RBBP5: variants seen among roughly 807,000 people sequenced by gnomAD.
RBBP5 encodes the protein retinoblastoma-binding protein 5.
RBBP5 carries 5 observed loss-of-function variants against 72.2 expected under a neutral mutation model. The ratio of observed to expected loss-of-function variants is 0.07; its 90% confidence interval spans 0.04 to 0.15. RBBP5 has a LOEUF of 0.15. RBBP5 is among the 10% of genes least tolerant of loss of function. The probability of loss-of-function intolerance (pLI) is 1.00; values close to 1 mark genes in which losing one functional copy is unlikely to be tolerated. For synonymous variants in RBBP5, 209 were observed against 237.2 expected (o/e 0.88, Z 1.09); for missense variants, 322 against 652.2 (o/e 0.49, Z 5.51).
rs569017122 is a variant in RBBP5, at chr1:205,090,957, C to G, written c.1589-2142G>C. Among the ~76,000 whole-genome samples, 14 of 152,162 alleles carry G rather than the reference C, an allele frequency of 9.2e-5. No homozygotes were observed. The South Asian group carries it at 2.9e-3, about 32-fold the overall frequency. Reference sequence around the variant, plus strand: ...ATTAAAAAAAAAAAAATCACAGATTCAGTAAGTGACTTGGAGGTGGTTCAG... The same window carrying G: ...ATTAAAAAAAAAAAAATCACAGATTGAGTAAGTGACTTGGAGGTGGTTCAG... On this transcript the variant is annotated intron_variant, in intron 13 of 13. Transcript: ENST00000264515.
chr1:205,103,720 G>A, intron 5 of RBBP5, 137 bp downstream of exon 5: 2 of 1,019,020 alleles, frequency 2.0e-6, no homozygotes, highest in Non-Finnish European at 1.4e-6. Flanking sequence ...AGAGATGGAA[G>A]AAAATTAGAC....
chr1:205,117,861 C>G (rs1237024949), intron 1 of RBBP5, among the ~76,000 whole-genome samples: 1 of 151,878 alleles, frequency 6.6e-6, no homozygotes. Context: ...GTCTCCCAAG[C>G]TGGAATGCAA....
At position 205,096,688 on chromosome 1, in the gene RBBP5, T is replaced by C; in HGVS notation, c.1390A>G (p.Asn464Asp). Residue 464 changes from asparagine to aspartate, a missense_variant, in exon 12 of 14, where the codon AAT becomes GAT. Coordinates refer to ENST00000264515, the MANE Select transcript of RBBP5 (RefSeq NM_005057.4). ...TTNIELQGVP[N>D]DEVHPLLGVK... ...GAGAAGATGTAGCTCTTACCATCAT[T>C]TGGTACTCCTTGAAGTTCTATATTG... 2 of 1,613,676 alleles carry C rather than the reference T, an allele frequency of 1.2e-6. No individual in the cohort carries two copies. The highest frequency in any genetic ancestry group is 1.7e-6 in the Non-Finnish European group (2 of 1,179,714).
Position 205,088,829 on chromosome 1 carries a change from A to G in RBBP5, c.1589-14T>C, listed in dbSNP as rs761184519. ...TTGCTCCTCCTGCTAAAGAGATTAG[A>G]CACAAAAAGATTTCTTTTAGCTTCA... On this transcript the variant is annotated splice_polypyrimidine_tract_variant and intron_variant, in intron 13 of 13. Transcript: ENST00000264515. The G allele has an allele frequency of 6.4e-7, 1 of 1,567,294 alleles. No individual in the cohort carries two copies. The highest frequency in any genetic ancestry group is 1.2e-5 in the South Asian group (1 of 84,214).
chr1:205,104,171 A>G (rs1203875933), intron 4 of RBBP5, 152 bp from the exon 5 acceptor site: 9 of 757,040 alleles, frequency 1.2e-5, no homozygotes, highest in Non-Finnish European at 1.9e-5. Flanking sequence ...CACAGGTCTA[A>G]TAACAGGGAA....
intron 6 of RBBP5, among the ~76,000 whole-genome samples, chr1:205,101,136 A>G (rs1655804651): frequency 6.6e-6 from 1 of 152,210 alleles, no homozygotes; most frequent in Admixed American, 6.5e-5. Flanking sequence ...GTTCCTAAAC[A>G]AAATAGGAGG....
intron 2 of RBBP5, 73 bp from the exon 3 acceptor site, chr1:205,115,034 T>C: frequency 1.5e-6 from 2 of 1,332,320 alleles, no homozygotes; most frequent in Non-Finnish European, 2.1e-6. Flanking sequence ...AAAGGTTCTT[T>C]ATCACTTGTG....
intron 3 of RBBP5, among the ~76,000 whole-genome samples, chr1:205,112,267 G>A (rs898713537): frequency 6.6e-6 from 1 of 152,034 alleles, no homozygotes; most frequent in Non-Finnish European, 1.5e-5. Context: ...GCAGTGAGCC[G>A]AGATCGCACC....
Position 205,098,373 on chromosome 1 carries a change from G to A in RBBP5, c.1096+616C>T, listed in dbSNP as rs575015687. The stretch of plus-strand genomic sequence containing the variant: ...CATGGTGAGTTCTTTGCTAGGTGCT[G>A]CATGTATGTCCTCACTTAGTCATCT... On this transcript the variant is annotated intron_variant, in intron 10 of 13. Transcript: ENST00000264515. Among the ~76,000 whole-genome samples the A allele has an allele frequency of 3.3e-5, 5 of 152,302 alleles. No individual in the cohort carries two copies. In the East Asian group the frequency reaches 9.6e-4, roughly 29 times the overall value.
intron 12 of RBBP5, among the ~76,000 whole-genome samples, chr1:205,095,455 A>G (rs925308881): frequency 2.6e-5 from 4 of 152,186 alleles, no homozygotes; most frequent in Non-Finnish European, 5.9e-5. Context: ...TATTCTTCCA[A>G]TGTGGCCCAG....
chr1:205,095,699 T>C (rs983555064), intron 12 of RBBP5, among the ~76,000 whole-genome samples: 2 of 152,214 alleles, frequency 1.3e-5, no homozygotes, highest in Admixed American at 6.5e-5. Context: ...TGTGAGACTT[T>C]AGGCAAGTTT....
At chr1:205,104,423 C>T (rs569979427) in intron 4 of RBBP5, among the ~76,000 whole-genome samples, 2 of 151,578 alleles carry the variant, frequency 1.3e-5, no homozygotes, top group Non-Finnish European at 2.9e-5. Context: ...CTTGGGAGGC[C>T]GAGGCAAGAG....
chr1:205,105,224 C>G (rs1409616651), intron 3 of RBBP5, 56 bp from the exon 4 acceptor site: 1 of 1,559,366 alleles, frequency 6.4e-7, no homozygotes, highest in African/African-American at 1.3e-5. Context: ...ATACCACTCT[C>G]ATGAATAAAC....
chr1:205,090,349 C>T lies in RBBP5; in HGVS notation c.1589-1534G>A, dbSNP rs956783354. ...ATAATAGGAGAAAGTGGCTTGATCA[C>T]TAATCAACAGCATTAGTAATAGGCA... On this transcript the variant is annotated intron_variant, in intron 13 of 13. Transcript: ENST00000264515. 2.6e-5 allele frequency among the ~76,000 whole-genome samples: 4 copies of T among 152,174 alleles called. 1 individual carries two copies. The highest frequency in any genetic ancestry group is 9.6e-5 in the African/African-American group (4 of 41,460).
At chr1:205,089,292 C>G (rs889684681) in intron 13 of RBBP5, among the ~76,000 whole-genome samples, 1 of 152,146 alleles carries the variant, frequency 6.6e-6, no homozygotes, top group Non-Finnish European at 1.5e-5. Context: ...TACTTATCAC[C>G]TTAGAATCCC....
intron 1 of RBBP5, among the ~76,000 whole-genome samples, chr1:205,120,726 G>C (rs1347591171): frequency 1.3e-5 from 2 of 151,830 alleles, no homozygotes; most frequent in African/African-American, 4.8e-5. Flanking sequence ...AGGTTGCAGT[G>C]AGCCAAGACT....
chr1:205,101,551 A>G (rs958007062), intron 6 of RBBP5, 49 bp downstream of exon 6: 2 of 1,328,694 alleles, frequency 1.5e-6, no homozygotes, highest in Non-Finnish European at 1.0e-6. Context: ...GTATTTTTGC[A>G]TTCTATTCAC....
chr1:205,115,707 T>C (rs556130202), intron 2 of RBBP5, 151 bp downstream of exon 2: 4 of 1,053,748 alleles, frequency 3.8e-6, no homozygotes, highest in Admixed American at 3.1e-5. Context: ...CTGATCAAAA[T>C]TGTACACTAG....
rs1227957486 is a variant in RBBP5 at position 205,095,304 on chromosome 1, A to C, written c.1397-240T>G. ...GTCCAATCTGTGGCCCACAGGCTAC[A>C]TGCGGCCTAGGACAGCTTTGAATGT... On this transcript the variant is annotated intron_variant, in intron 12 of 13. Transcript: ENST00000264515. Among the ~76,000 whole-genome samples the C allele has an allele frequency of 1.3e-5, 2 of 152,354 alleles. 1 individual carries two copies. The highest frequency in any genetic ancestry group is 4.1e-4 in the South Asian group (2 of 4,826).
Sources: allele counts gnomAD v4.1 joint callset (sites outside exome capture counted in the v4.1 genomes callset), GRCh38; gene constraint gnomAD v4.1.1; transcripts MANE v1.5; gene names NCBI Gene and HGNC (gene_info 2026-07-23, HGNC 2026-07-21).